The following FRAS1 variants were observed in gnomAD, a reference collection of about 807,000 sequenced individuals.
The protein encoded by FRAS1 is extracellular matrix organizing protein FRAS1.
FRAS1 carries 290 observed loss-of-function variants against 435.2 expected under a neutral mutation model. The observed-to-expected ratio is 0.67, with a 90% CI of 0.61 to 0.73. The LOEUF (loss-of-function observed/expected upper bound fraction) is 0.73. Among genes scored for constraint, FRAS1 ranks in the 30% least tolerant of loss-of-function variants. The pLI is 0.00. For missense variants in FRAS1, 4,860 were observed against 5,001.5 expected (o/e 0.97, Z 0.85); for synonymous variants, 1,800 against 1,851.0 (o/e 0.97, Z 0.71).
At chr4:78,406,288 A>G (rs1279006274) in intron 30 of FRAS1, among the ~76,000 whole-genome samples, 1 of 152,232 alleles carries the variant, frequency 6.6e-6, no homozygotes, top group African/African-American at 2.4e-5. Context: ...CATCATTCAG[A>G]ATAATTAAAT....
At chr4:78,231,681 C>T (rs1366091435) in intron 2 of FRAS1, among the ~76,000 whole-genome samples, 3 of 151,942 alleles carry the variant, frequency 2.0e-5, no homozygotes, top group Non-Finnish European at 4.4e-5. Context: ...AAATAATCCC[C>T]CCCAGAAATT....
chr4:78,224,776 C>T (rs1724200237), intron 2 of FRAS1, among the ~76,000 whole-genome samples: 1 of 152,142 alleles, frequency 6.6e-6, no homozygotes, highest in Non-Finnish European at 1.5e-5. Flanking sequence ...AAGTGATCCT[C>T]CTCCCTCAGC....
chr4:78,290,366 G>A (rs1321554990), intron 14 of FRAS1, among the ~76,000 whole-genome samples: 2 of 152,194 alleles, frequency 1.3e-5, no homozygotes, highest in African/African-American at 4.8e-5. Flanking sequence ...AGGCGCAGAT[G>A]TTATGGGGAG....
chr4:78,329,763 T>C (rs911417929), intron 18 of FRAS1, among the ~76,000 whole-genome samples: 4 of 152,204 alleles, frequency 2.6e-5, no homozygotes, highest in South Asian at 2.1e-4. Flanking sequence ...TAATTTATCA[T>C]TGGACATAAC....
intron 2 of FRAS1, among the ~76,000 whole-genome samples, chr4:78,097,367 A>G (rs974247378): frequency 1.1e-4 from 16 of 152,202 alleles, no homozygotes; most frequent in Admixed American, 5.9e-4. Context: ...ACCCAGTTCA[A>G]AAGTCTCTTC....
chr4:78,477,256 A>G (rs954648930), intron 54 of FRAS1, among the ~76,000 whole-genome samples: 2 of 152,184 alleles, frequency 1.3e-5, no homozygotes, highest in Admixed American at 6.5e-5. Context: ...ATAATATCTT[A>G]TGTTTGTTTG....
chr4:78,117,764 C>G (rs1362165337), intron 2 of FRAS1, among the ~76,000 whole-genome samples: 20 of 152,246 alleles, frequency 1.3e-4, no homozygotes, highest in African/African-American at 4.8e-4. Flanking sequence ...ACTTCTTTGC[C>G]ATGGGTTCGA....
At chr4:78,489,984 A>G (rs1720298686) in intron 59 of FRAS1, among the ~76,000 whole-genome samples, 1 of 150,788 alleles carries the variant, frequency 6.6e-6, no homozygotes, top group African/African-American at 2.4e-5. Flanking sequence ...AAAAAAAAAA[A>G]AAAGAAAAGC....
chr4:78,487,804 C>T (rs909539274), intron 58 of FRAS1, among the ~76,000 whole-genome samples: 4 of 152,056 alleles, frequency 2.6e-5, no homozygotes, highest in Admixed American at 6.6e-5. Context: ...TTAATATTTC[C>T]AATTTATATA....
chr4:78,498,610 T>A (rs1720580907), intron 60 of FRAS1, among the ~76,000 whole-genome samples: 1 of 152,118 alleles, frequency 6.6e-6, no homozygotes, highest in Non-Finnish European at 1.5e-5. Flanking sequence ...AGGCTTATCT[T>A]CTACAGTTAG....
intron 9 of FRAS1, among the ~76,000 whole-genome samples, chr4:78,274,241 T>C (rs1193688276): frequency 6.6e-6 from 1 of 152,208 alleles, no homozygotes; most frequent in East Asian, 1.9e-4. Flanking sequence ...GTCTATCAAT[T>C]TTGTTGATCT....
chr4:78,087,572 C>T (rs1228385274), intron 2 of FRAS1, among the ~76,000 whole-genome samples: 1 of 152,190 alleles, frequency 6.6e-6, no homozygotes, highest in Non-Finnish European at 1.5e-5. Context: ...GCAACTTCAG[C>T]AAAATCTCAG....
In FRAS1 at chr4:78,540,775, C is replaced by T. The variant is rs373595232; in HGVS notation, c.11690C>T (p.Ala3897Val). ...NLEMQELAVAASLSQTGASIG... is the reference protein window; with the variant it reads ...NLEMQELAVAVSLSQTGASIG... ...GAGATGCAAGAGTTGGCGGTAGCTG[C>T]GTCCCTGTCACAGACTGGGGCGTCC... The change falls in exon 74 of 74, where the codon GCG becomes GTG. Residue 3897 changes from alanine to valine, a missense_variant. Physicochemically the swap from Ala to Val is moderately conservative, Grantham distance 64. Transcript: ENST00000512123. 7.1e-5 allele frequency: 115 copies of T among 1,613,844 alleles called. No homozygotes were observed. The highest frequency in any genetic ancestry group is 1.7e-4 in the Middle Eastern group (1 of 6,060).
At chr4:78,317,765 A>G (rs549560831) in intron 17 of FRAS1, among the ~76,000 whole-genome samples, 1 of 152,326 alleles carries the variant, frequency 6.6e-6, no homozygotes, top group Middle Eastern at 3.4e-3. Flanking sequence ...ATTAAATTAA[A>G]CAAACTAGAA....
intron 2 of FRAS1, among the ~76,000 whole-genome samples, chr4:78,074,180 G>A (rs1312939836): frequency 1.3e-5 from 2 of 151,794 alleles, no homozygotes; most frequent in Non-Finnish European, 2.9e-5. Context: ...GGATCAGGGA[G>A]GGGAGGGTGT....
intron 4 of FRAS1, among the ~76,000 whole-genome samples, chr4:78,248,037 G>T (rs1434987848): frequency 5.3e-5 from 8 of 152,174 alleles, no homozygotes; most frequent in Admixed American, 1.3e-4. Context: ...GCGGAGCCTT[G>T]GGGGAGGACC....
chr4:78,485,657 C>T (rs1273233104), intron 58 of FRAS1, among the ~76,000 whole-genome samples: 4 of 152,166 alleles, frequency 2.6e-5, no homozygotes, highest in African/African-American at 9.7e-5. Context: ...AAAGATCTTA[C>T]ATATTATCCC....
chr4:78,529,821 C>G (rs180842126), intron 70 of FRAS1, among the ~76,000 whole-genome samples: 7 of 152,226 alleles, frequency 4.6e-5, no homozygotes, highest in Admixed American at 1.3e-4. Context: ...TTTCATCATG[C>G]TAGTAAAAAT....
At chr4:78,381,904 A>T (rs1312733115) in intron 27 of FRAS1, among the ~76,000 whole-genome samples, 2 of 152,242 alleles carry the variant, frequency 1.3e-5, no homozygotes, top group East Asian at 1.9e-4. Context: ...AAAATTCAGC[A>T]AAAGAAAGAA....
Sources: gnomAD v4.1 joint callset for allele counts (sites outside exome capture counted in the v4.1 genomes callset) on GRCh38, gnomAD v4.1.1 for gene constraint, MANE v1.5 for transcripts, NCBI Gene and HGNC (gene_info 2026-07-23, HGNC 2026-07-21) for gene names.